Variants in KCNQ5 observed in about 807,000 individuals in gnomAD.
The protein encoded by KCNQ5 is potassium voltage-gated channel subfamily KQT member 5.
In KCNQ5, 30 loss-of-function variants were observed where a neutral mutation model predicts 98.2. The ratio of observed to expected loss-of-function variants is 0.31; its 90% CI spans 0.23 to 0.41. The LOEUF (loss-of-function observed/expected upper bound fraction) is 0.41. KCNQ5 is among the 10% of genes least tolerant of loss of function. KCNQ5 has a pLI of 1.00. For synonymous variants in KCNQ5, 458 were observed against 449.4 expected, an observed-to-expected ratio of 1.02 and a Z score of -0.24; for missense variants, 835 against 1,182.5, an observed-to-expected ratio of 0.71 and a Z score of 4.31.
intron 1 of KCNQ5, among the ~76,000 whole-genome samples, chr6:72,978,962 A>G (rs1768293332): frequency 6.6e-6 from 1 of 152,204 alleles, no homozygotes; most frequent in South Asian, 2.1e-4. Context: ...TTTGCTCAGA[A>G]TGATGGTTTC....
intron 2 of KCNQ5, among the ~76,000 whole-genome samples, chr6:73,039,559 G>T: frequency 6.6e-6 from 1 of 151,844 alleles, no homozygotes; most frequent in African/African-American, 2.4e-5. Context: ...AAATTTTTGA[G>T]ACTTTCTCTT....
chr6:72,652,702 G>A (rs573510980), intron 1 of KCNQ5, among the ~76,000 whole-genome samples: 6 of 152,144 alleles, frequency 3.9e-5, no homozygotes, highest in Admixed American at 1.3e-4. Flanking sequence ...GCATACTTGT[G>A]AATGTCAAAA....
intron 7 of KCNQ5, among the ~76,000 whole-genome samples, chr6:73,117,988 T>C (rs975283701): frequency 6.6e-6 from 1 of 152,212 alleles, no homozygotes; most frequent in African/African-American, 2.4e-5. Flanking sequence ...GGTTCAATCA[T>C]TTAAACCTTC....
At chr6:72,652,210 A>C (rs1285499966) in intron 1 of KCNQ5, among the ~76,000 whole-genome samples, 1 of 150,980 alleles carries the variant, frequency 6.6e-6, no homozygotes, top group Non-Finnish European at 1.5e-5. Context: ...TGTAATGTGT[A>C]GGCAACTTTA....
chr6:72,925,525 C>T (rs567708843), intron 1 of KCNQ5, among the ~76,000 whole-genome samples: 35 of 152,290 alleles, frequency 2.3e-4, no homozygotes, highest in African/African-American at 7.7e-4. Context: ...CTCTTCTAGA[C>T]ATGTTCTAAG....
At chr6:72,977,936 T>A (rs1439321769) in intron 1 of KCNQ5, among the ~76,000 whole-genome samples, 2 of 152,204 alleles carry the variant, frequency 1.3e-5, no homozygotes, top group Non-Finnish European at 2.9e-5. Context: ...GAATACTACA[T>A]GTTGAATGCG....
chr6:72,811,734 G>C (rs571267406), intron 1 of KCNQ5, among the ~76,000 whole-genome samples: 1 of 152,228 alleles, frequency 6.6e-6, no homozygotes, highest in Admixed American at 6.5e-5. Context: ...TCTGTTACCG[G>C]AAAGGGTCCC....
At chr6:73,132,523 G>A (rs6453643) in intron 9 of KCNQ5, among the ~76,000 whole-genome samples, 145,354 of 152,290 alleles carry the variant, frequency 0.95, 69,363 homozygotes, top group South Asian at 0.99. Context: ...CCGTGTGTCT[G>A]ATCCCAACCT....
chr6:72,711,199 G>A (rs1479132380), intron 1 of KCNQ5, among the ~76,000 whole-genome samples: 1 of 151,904 alleles, frequency 6.6e-6, no homozygotes, highest in Non-Finnish European at 1.5e-5. Context: ...AAGAATAAAT[G>A]TACACAGAGA....
At chr6:72,722,175 C>A (rs985732170) in intron 1 of KCNQ5, among the ~76,000 whole-genome samples, 1 of 152,156 alleles carries the variant, frequency 6.6e-6, no homozygotes, top group Non-Finnish European at 1.5e-5. Flanking sequence ...CCTGCTGGTA[C>A]CTTGACTTTA....
intron 1 of KCNQ5, among the ~76,000 whole-genome samples, chr6:72,725,080 G>A (rs1770194323): frequency 6.6e-6 from 1 of 152,082 alleles, no homozygotes. Context: ...AAGCGAGGAT[G>A]TATTTATTAC....
intron 1 of KCNQ5, among the ~76,000 whole-genome samples, chr6:72,655,298 A>C (rs1324171143): frequency 6.6e-6 from 1 of 152,040 alleles, no homozygotes; most frequent in Non-Finnish European, 1.5e-5. Flanking sequence ...ATCAGCAAAT[A>C]TGTATTGACT....
intron 10 of KCNQ5, among the ~76,000 whole-genome samples, chr6:73,145,009 C>T (rs1776864418): frequency 6.6e-6 from 1 of 152,196 alleles, no homozygotes; most frequent in South Asian, 2.1e-4. Flanking sequence ...CTGCAAGTGT[C>T]GTGGCCAGTA....
intron 1 of KCNQ5, among the ~76,000 whole-genome samples, chr6:72,740,996 C>G (rs1345461486): frequency 6.6e-6 from 1 of 152,148 alleles, no homozygotes; most frequent in Admixed American, 6.6e-5. Flanking sequence ...TTAGAGGGCT[C>G]TTTCCTGGTG....
intron 1 of KCNQ5, among the ~76,000 whole-genome samples, chr6:72,642,630 A>G (rs1765383416): frequency 6.6e-6 from 1 of 152,150 alleles, no homozygotes; most frequent in East Asian, 1.9e-4. Flanking sequence ...AATGTTGTGG[A>G]GAAAAGGGAA....
chr6:72,699,027 G>A (rs9293896), intron 1 of KCNQ5, among the ~76,000 whole-genome samples: 78,176 of 151,968 alleles, frequency 0.51, 23,537 homozygotes, highest in African/African-American at 0.83. Flanking sequence ...ACACAGTCTC[G>A]TAATTAGAGA....
At chr6:72,983,621 C>T (rs2150301153) in intron 1 of KCNQ5, among the ~76,000 whole-genome samples, 1 of 152,264 alleles carries the variant, frequency 6.6e-6, no homozygotes, top group Non-Finnish European at 1.5e-5. Context: ...CTCGAACATC[C>T]TCCTTTAGCT....
intron 10 of KCNQ5, among the ~76,000 whole-genome samples, chr6:73,143,791 T>A (rs1776812642): frequency 6.6e-6 from 1 of 152,212 alleles, no homozygotes; most frequent in African/African-American, 2.4e-5. Flanking sequence ...TCAGTTACAG[T>A]ATTGATTGGC....
rs139883339 is a variant in KCNQ5 at position 73,008,509 on chromosome 6, A to G, written c.489+4511A>G. Among the ~76,000 whole-genome samples the G allele has an allele frequency of 2.5e-3, 375 of 152,298 alleles. 3 individuals are homozygous for G. Among genetic ancestry groups the G allele is most frequent in the African/African-American group, 8.6e-3 (357 of 41,584 alleles). On this transcript the variant is annotated intron_variant, in intron 2 of 13. Coordinates refer to ENST00000370398, the MANE Select transcript of KCNQ5 (RefSeq NM_019842.4). Reference sequence around the variant, plus strand: ...GACTTTAAATCAAAAAAGTTATAAGAGATAAAGAAGGGCATTATATATTAA... The same window carrying G: ...GACTTTAAATCAAAAAAGTTATAAGGGATAAAGAAGGGCATTATATATTAA...
Sources: allele counts gnomAD v4.1 joint callset (sites outside exome capture counted in the v4.1 genomes callset), GRCh38; gene constraint gnomAD v4.1.1; transcripts MANE v1.5; gene names NCBI Gene and HGNC (gene_info 2026-07-23, HGNC 2026-07-21).